MEGF11: variants seen among roughly 807,000 people sequenced by gnomAD.
MEGF11 encodes the protein multiple epidermal growth factor-like domains protein 11.
MEGF11 carries 126 observed loss-of-function variants against 146.6 expected under a neutral mutation model. That is an observed-to-expected ratio of 0.86 (90% CI 0.74 to 1.00). The LOEUF (loss-of-function observed/expected upper bound fraction) is 1.00. Among genes scored for constraint, MEGF11 ranks in the 50% least tolerant of loss-of-function variants. The probability of loss-of-function intolerance (pLI) is 0.00; values close to 1 mark genes in which losing one functional copy is unlikely to be tolerated. For synonymous variants in MEGF11, 532 were observed against 583.4 expected (o/e 0.91, Z 1.27); for missense variants, 1,509 against 1,521.2 (o/e 0.99, Z 0.13).
At chr15:66,231,028 G>A (rs58066095) in intron 1 of MEGF11, among the ~76,000 whole-genome samples, 3,518 of 152,132 alleles carry the variant, frequency 0.023, 139 homozygotes, top group African/African-American at 0.081. Context: ...TGTTAAAAGC[G>A]TTCTATAGAG....
At chr15:66,141,281 T>TGAGAGA (rs1363855739) in intron 1 of MEGF11, among the ~76,000 whole-genome samples, 28 of 97,688 alleles carry the variant, frequency 2.9e-4, no homozygotes, top group South Asian at 3.4e-4. Flanking sequence ...TGTGTGTGTG[T>TGAGAGA]GTGTGTGTGA....
At chr15:65,954,931 C>T (rs941920691) in intron 10 of MEGF11, among the ~76,000 whole-genome samples, 7 of 152,160 alleles carry the variant, frequency 4.6e-5, no homozygotes, top group African/African-American at 1.4e-4. Flanking sequence ...ACCGTAAAAC[C>T]CTCAATGAGC....
At chr15:66,002,177 A>T (rs2082387439) in intron 5 of MEGF11, among the ~76,000 whole-genome samples, 2 of 152,034 alleles carry the variant, frequency 1.3e-5, no homozygotes, top group Admixed American at 1.3e-4. Context: ...TTGCTTAATG[A>T]GCTCATGGCG....
chr15:66,208,199 A>T (rs1009396373), intron 1 of MEGF11, among the ~76,000 whole-genome samples: 9 of 152,188 alleles, frequency 5.9e-5, no homozygotes, highest in African/African-American at 1.2e-4. Flanking sequence ...TATTTAACAC[A>T]ATTATATTAT....
chr15:65,942,653 G>A (rs2080039360), intron 10 of MEGF11, among the ~76,000 whole-genome samples: 3 of 152,098 alleles, frequency 2.0e-5, no homozygotes, highest in South Asian at 4.1e-4. Flanking sequence ...GCTTCCTGCT[G>A]CAGCTTTGAT....
rs76193252 is a variant in MEGF11, at chr15:66,199,389, T to C, written c.-9+54216A>G. Among the ~76,000 whole-genome samples, 603 of 152,246 alleles carry C rather than the reference T, an allele frequency of 4.0e-3. 4 individuals are homozygous for C. The highest frequency in any genetic ancestry group is 0.01 in the Middle Eastern group (3 of 294). On this transcript the variant is annotated intron_variant, in intron 1 of 25. Transcript: ENST00000395614. The stretch of plus-strand genomic sequence containing the variant: ...CCTGGGTGTTTTTCTAGCCTCCACG[T>C]CCGTCAAGTCTCCACTCCGCTGCTA...
At chr15:66,045,433 C>T (rs1344212481) in intron 5 of MEGF11, among the ~76,000 whole-genome samples, 2 of 152,208 alleles carry the variant, frequency 1.3e-5, no homozygotes, top group Non-Finnish European at 2.9e-5. Context: ...GAGGGCTCGC[C>T]TGCCCATCCC....
Position 66,084,692 on chromosome 15 carries a change from G to T in MEGF11, c.394+9710C>A, listed in dbSNP as rs1357324196. ...GCCCATTCCTGCCTGGCACCACAGG[G>T]ATCCATCAGGAGGGTGGCCAGAGGA... On this transcript the variant is annotated intron_variant, in intron 5 of 25. Coordinates refer to ENST00000395614, the MANE Select transcript of MEGF11 (RefSeq NM_001385028.1). Among the ~76,000 whole-genome samples, 4 of 152,184 alleles carry T rather than the reference G, an allele frequency of 2.6e-5. No homozygotes were observed. The East Asian group carries it at 5.8e-4, about 22-fold the overall frequency.
chr15:66,004,424 A>G (rs552227141), intron 5 of MEGF11, among the ~76,000 whole-genome samples: 927 of 68,844 alleles, frequency 0.013, 20 homozygotes, highest in East Asian at 0.087. Context: ...TATTTTTGTA[A>G]TATTTTCTTT....
intron 15 of MEGF11, among the ~76,000 whole-genome samples, chr15:65,919,884 C>T (rs2079120248): frequency 6.6e-6 from 1 of 152,202 alleles, no homozygotes; most frequent in South Asian, 2.1e-4. Context: ...GCTGGGATTA[C>T]AGATGTGAAC....
chr15:66,188,592 C>T (rs1188070154), intron 1 of MEGF11, among the ~76,000 whole-genome samples: 1 of 152,142 alleles, frequency 6.6e-6, no homozygotes, highest in Middle Eastern at 3.2e-3. Context: ...AGATGGGGAC[C>T]CCAGGGCCCA....
chr15:66,140,507 A>C (rs1286903162), intron 1 of MEGF11, among the ~76,000 whole-genome samples: 1 of 152,172 alleles, frequency 6.6e-6, no homozygotes, highest in Non-Finnish European at 1.5e-5. Flanking sequence ...AATACACTGA[A>C]TCACCCTATG....
At chr15:66,111,097 A>T (rs533732964) in intron 4 of MEGF11, among the ~76,000 whole-genome samples, 1 of 152,216 alleles carries the variant, frequency 6.6e-6, no homozygotes, top group Non-Finnish European at 1.5e-5. Context: ...ATCCATGTGG[A>T]CAAGTCACTT....
intron 5 of MEGF11, among the ~76,000 whole-genome samples, chr15:65,998,597 G>A (rs576678105): frequency 6.5e-4 from 99 of 152,150 alleles, no homozygotes; most frequent in African/African-American, 2.2e-3. Context: ...TTTCTTACCC[G>A]TCACTAAAAG....
intron 5 of MEGF11, among the ~76,000 whole-genome samples, chr15:66,008,922 A>C (rs924951712): frequency 6.6e-6 from 1 of 152,112 alleles, no homozygotes; most frequent in Non-Finnish European, 1.5e-5. Flanking sequence ...TCTATCTTAC[A>C]ACAGCTCCTC....
At chr15:66,048,209 G>C (rs1490861264) in intron 5 of MEGF11, among the ~76,000 whole-genome samples, 1 of 152,208 alleles carries the variant, frequency 6.6e-6, no homozygotes, top group African/African-American at 2.4e-5. Context: ...GCCTCCCAAA[G>C]TGCTGGGATT....
At chr15:66,042,519 A>C (rs914568904) in intron 5 of MEGF11, among the ~76,000 whole-genome samples, 2 of 152,178 alleles carry the variant, frequency 1.3e-5, no homozygotes, top group Admixed American at 1.3e-4. Flanking sequence ...AGCTCAGAGC[A>C]CTGGGGGGGA....
At chr15:66,054,622 A>T (rs1303678123) in intron 5 of MEGF11, among the ~76,000 whole-genome samples, 1 of 152,226 alleles carries the variant, frequency 6.6e-6, no homozygotes, top group Non-Finnish European at 1.5e-5. Context: ...GTGAGCACAC[A>T]TGTTGAACAC....
At chr15:66,194,091 G>A (rs553499530) in intron 1 of MEGF11, among the ~76,000 whole-genome samples, 3 of 152,110 alleles carry the variant, frequency 2.0e-5, no homozygotes, top group Non-Finnish European at 4.4e-5. Flanking sequence ...CAAAAATATG[G>A]AACCAGCTCA....
Sources: gnomAD v4.1 joint callset for allele counts (sites outside exome capture counted in the v4.1 genomes callset) on GRCh38, gnomAD v4.1.1 for gene constraint, MANE v1.5 for transcripts, NCBI Gene and HGNC (gene_info 2026-07-23, HGNC 2026-07-21) for gene names.